SIKE1: variants seen among roughly 807,000 people sequenced by gnomAD.
SIKE1 encodes the protein suppressor of IKBKE 1.
Under a neutral mutation model 25.8 loss-of-function variants are expected in SIKE1, and 13 were observed. The observed-to-expected ratio is 0.50, with a 90% confidence interval of 0.33 to 0.80. The LOEUF (loss-of-function observed/expected upper bound fraction) is 0.80. SIKE1 is among the 30% of genes least tolerant of loss of function. SIKE1 has a pLI of 0.02. For synonymous variants in SIKE1, 86 were observed against 95.5 expected (o/e 0.90, Z 0.58); for missense variants, 222 against 252.4 (o/e 0.88, Z 0.82).
rs1030957255 is a variant in SIKE1, at chr1:114,774,155, C to A, written c.*116G>T. 8.4e-5 allele frequency: 62 copies of A among 738,386 alleles called. 1 individual carries two copies. Among genetic ancestry groups the A allele is most frequent in the South Asian group, 7.1e-4 (32 of 44,804 alleles). The allele number at this position is 738,386 out of a possible 1,614,324, so 45.7% of individuals were successfully genotyped here. A position where few individuals can be genotyped will look rare whatever the true frequency, so the allele number is the denominator to read the frequency against. On this transcript the variant is annotated 3_prime_UTR_variant, in exon 5 of 5. Transcript: ENST00000060969. Reference sequence around the variant, plus strand: ...TGGAATTCTAAATTGCCACCTGATACCTTTAATTAAGATTAAATCAAATCT... The same window carrying A: ...TGGAATTCTAAATTGCCACCTGATAACTTTAATTAAGATTAAATCAAATCT...
At position 114,780,169 on chromosome 1, in the gene SIKE1, G is replaced by A; in HGVS notation, c.206C>T (p.Pro69Leu). The A allele has an allele frequency of 6.2e-7, 1 of 1,613,994 alleles. No homozygotes were observed. Among genetic ancestry groups the A allele is most frequent in the Non-Finnish European group, 8.5e-7 (1 of 1,179,948 alleles). ...GTTCTCTTGGGACAGCAGAATGTGAGGTTTGTATTTGGACATGTCCTTCAT... is the reference window on the plus strand; with the variant it reads ...GTTCTCTTGGGACAGCAGAATGTGAAGTTTGTATTTGGACATGTCCTTCAT... ...SDMKDMSKYK[P>L]HILLSQENTQ... is the part of the protein sequence containing the mutation. Residue 69 changes from proline to leucine, a missense_variant, in exon 2 of 5, where the codon CCT (proline) becomes CTT (leucine). By Grantham distance (98) the Pro-to-Leu change is moderately conservative. Transcript: ENST00000060969.
At chr1:114,775,296 C>T (rs565991861) in intron 4 of SIKE1, among the ~76,000 whole-genome samples, 18 of 152,224 alleles carry the variant, frequency 1.2e-4, no homozygotes, top group African/African-American at 4.1e-4. Flanking sequence ...CTGTGGTCGA[C>T]GAATCTTCTA....
intron 3 of SIKE1, among the ~76,000 whole-genome samples, chr1:114,777,088 C>T (rs1226232640): frequency 6.6e-6 from 1 of 152,106 alleles, no homozygotes; most frequent in Non-Finnish European, 1.5e-5. Flanking sequence ...ACATCACACA[C>T]CGGGGCCTGT....
chr1:114,778,885 A>T, intron 3 of SIKE1: 1 of 479,972 alleles, frequency 2.1e-6, no homozygotes, highest in East Asian at 3.6e-5. Flanking sequence ...AAACAAACAA[A>T]CAAACAAACA....
intron 3 of SIKE1, among the ~76,000 whole-genome samples, chr1:114,777,926 T>A (rs1662291690): frequency 6.6e-6 from 1 of 152,220 alleles, no homozygotes; most frequent in African/African-American, 2.4e-5. Context: ...GCAGGAAGCT[T>A]ACTACATTCC....
At position 114,769,813 on chromosome 1, in the gene SIKE1, A is replaced by T. The variant is rs1466317427; in HGVS notation, c.*4458T>A. The T allele has an allele frequency of 6.6e-6, 1 of 152,202 alleles. No homozygotes were observed. The highest frequency in any genetic ancestry group is 1.9e-4 in the East Asian group (1 of 5,198). 9.4% of individuals were successfully genotyped at this position (152,202 alleles called of 1,614,324 possible). On this transcript the variant is annotated 3_prime_UTR_variant, in exon 5 of 5. Coordinates refer to ENST00000060969, the MANE Select transcript of SIKE1 (RefSeq NM_025073.3). ...GAAGAGCTCAAATAGATAAAATACA[A>T]GCACTCATAATGTTATTCTTAAGTT...
chr1:114,779,000 T>C lies in SIKE1; in HGVS notation c.408+142A>G, dbSNP rs6683934. The C allele has an allele frequency of 8.1e-3, 7,790 of 958,930 alleles. 432 individuals carry two copies. The African/African-American group carries it at 0.11, about 14-fold the overall frequency. The allele number at this position is 958,930 out of a possible 1,614,324, so 59.4% of individuals were successfully genotyped here. On this transcript the variant is annotated intron_variant, in intron 3 of 4. Transcript: ENST00000060969. Reference sequence around the variant, plus strand: ...TGAGCCCAGGAGGCAGAGGTTGCAGTGAGCCGAGATCGTGCCATTACACCA... The same window carrying C: ...TGAGCCCAGGAGGCAGAGGTTGCAGCGAGCCGAGATCGTGCCATTACACCA...
intron 1 of SIKE1, 90 bp from the exon 2 acceptor site, chr1:114,780,305 T>C: frequency 6.4e-7 from 1 of 1,557,684 alleles, no homozygotes. Context: ...CAGGGCAGGA[T>C]TCTCAGCCCC....
Position 114,780,221 on chromosome 1 carries a change from CAAAT to C in SIKE1, c.160-10_160-7del. The C allele has an allele frequency of 6.2e-7, 1 of 1,603,810 alleles. No homozygotes were observed. The highest frequency in any genetic ancestry group is 2.2e-5 in the East Asian group (1 of 44,834). Reference sequence around the variant, plus strand: ...TCGGATGCATCCTCTTGATACTGGACAAATAGAGACAGACTAAGCATGCCTTAAA... The same window carrying C: ...TCGGATGCATCCTCTTGATACTGGACAGAGACAGACTAAGCATGCCTTAAA... On this transcript the variant is annotated splice_region_variant and splice_polypyrimidine_tract_variant and intron_variant, in intron 1 of 4. Coordinates refer to ENST00000060969, the MANE Select transcript of SIKE1 (RefSeq NM_025073.3).
At position 114,774,419 on chromosome 1, in the gene SIKE1, C is replaced by T. The variant is rs771704538; in HGVS notation, c.523-47G>A. Reference sequence around the variant, plus strand: ...TATTTCTGGTATTTTTACTGTCCAACTGCATTACAACAACACATTATTTTG... The same window carrying T: ...TATTTCTGGTATTTTTACTGTCCAATTGCATTACAACAACACATTATTTTG... On this transcript the variant is annotated intron_variant, in intron 4 of 4. Transcript: ENST00000060969. 5 of 1,291,020 alleles carry T rather than the reference C, an allele frequency of 3.9e-6. No homozygotes were observed. The South Asian group carries it at 5.0e-5, about 13-fold the overall frequency. The allele number at this position is 1,291,020 out of a possible 1,614,324, so 80.0% of individuals were successfully genotyped here.
chr1:114,780,643 C>T lies in SIKE1; in HGVS notation c.-36G>A, dbSNP rs1426236703. 14 of 1,535,562 alleles carry T rather than the reference C, an allele frequency of 9.1e-6. No individual in the cohort carries two copies. The highest frequency in any genetic ancestry group is 8.2e-5 in the African/African-American group (6 of 73,014). ...CCACCCCAGCCCCTGCCGGGCTCAG[C>T]TACGCGACTCGCTCAGATCTTCTGG... On this transcript the variant is annotated 5_prime_UTR_variant, in exon 1 of 5. The change abolishes the stop of an existing upstream ORF in the 5' untranslated region. Coordinates refer to ENST00000060969, the MANE Select transcript of SIKE1 (RefSeq NM_025073.3).
intron 4 of SIKE1, among the ~76,000 whole-genome samples, chr1:114,774,756 T>A (rs1237258827): frequency 6.6e-6 from 1 of 152,216 alleles, no homozygotes; most frequent in African/African-American, 2.4e-5. Flanking sequence ...TTCACTCTGA[T>A]TAATCTCCTC....
intron 3 of SIKE1, among the ~76,000 whole-genome samples, chr1:114,777,604 T>C (rs896608352): frequency 3.9e-5 from 6 of 152,178 alleles, no homozygotes; most frequent in African/African-American, 1.4e-4. Context: ...AGAGAATAAA[T>C]GAGTAATCTT....
intron 4 of SIKE1, among the ~76,000 whole-genome samples, chr1:114,775,503 C>G (rs1263028764): frequency 4.9e-5 from 6 of 122,606 alleles, no homozygotes; most frequent in South Asian, 2.5e-4. Context: ...AAATGCTTTG[C>G]TTTTTTTTTT....
intron 1 of SIKE1, 74 bp from the exon 2 acceptor site, chr1:114,780,289 G>C: frequency 6.5e-7 from 1 of 1,546,306 alleles, no homozygotes; most frequent in Non-Finnish European, 8.9e-7. Flanking sequence ...GCAGAAGTTA[G>C]GGCTCCAGGG....
Position 114,770,005 on chromosome 1 carries a change from T to A in SIKE1, c.*4266A>T, listed in dbSNP as rs1662022355. The A allele has an allele frequency of 6.6e-6, 1 of 152,094 alleles. No homozygotes were observed. Among genetic ancestry groups the A allele is most frequent in the Non-Finnish European group, 1.5e-5 (1 of 68,028 alleles). The allele number at this position is 152,094 out of a possible 1,614,324, so 9.4% of individuals were successfully genotyped here. ...ACTATGCTTATTTTATCAAGCAGAG[T>A]TCTTGGTTTTAGGCAATTCAGGTTA... is the stretch of plus-strand genomic sequence containing the variant. On this transcript the variant is annotated 3_prime_UTR_variant, in exon 5 of 5. Coordinates refer to ENST00000060969, the MANE Select transcript of SIKE1 (RefSeq NM_025073.3).
intron 4 of SIKE1, among the ~76,000 whole-genome samples, chr1:114,775,317 T>C (rs1333126309): frequency 6.6e-6 from 1 of 152,114 alleles, no homozygotes; most frequent in Non-Finnish European, 1.5e-5. Context: ...CCACATGAAG[T>C]GCTTCCTTCG....
At position 114,772,589 on chromosome 1, in the gene SIKE1, T is replaced by C. The variant is rs1662098653; in HGVS notation, c.*1682A>G. The stretch of plus-strand genomic sequence containing the variant: ...GACACCATATTATACCTTGATTTGA[T>C]TACTTCATCATTTTCACTGAAATCT... On this transcript the variant is annotated 3_prime_UTR_variant, in exon 5 of 5. Coordinates refer to ENST00000060969, the MANE Select transcript of SIKE1 (RefSeq NM_025073.3). 6.6e-6 allele frequency: 1 copy of C among 152,174 alleles called. No individual in the cohort carries two copies. Among genetic ancestry groups the C allele is most frequent in the Non-Finnish European group, 1.5e-5 (1 of 68,020 alleles). The allele number at this position is 152,174 out of a possible 1,614,324, so 9.4% of individuals were successfully genotyped here.
intron 2 of SIKE1, 23 bp downstream of exon 2, chr1:114,780,087 A>G: frequency 2.0e-6 from 3 of 1,525,464 alleles, no homozygotes; most frequent in Non-Finnish European, 2.7e-6. Flanking sequence ...AACTATTACC[A>G]GATATGAAAA....
Sources: allele counts gnomAD v4.1 joint callset (sites outside exome capture counted in the v4.1 genomes callset), GRCh38; gene constraint gnomAD v4.1.1; transcripts MANE v1.5; gene names NCBI Gene and HGNC (gene_info 2026-07-23, HGNC 2026-07-21).